Variants in LGSN observed in about 807,000 individuals in gnomAD.
LGSN encodes the protein lengsin, lens protein with glutamine synthetase domain, also known as lengsin.
Under a neutral mutation model 19.5 loss-of-function variants are expected in LGSN, and 21 were observed. The ratio of observed to expected loss-of-function variants is 1.07; its 90% confidence interval spans 0.76 to 1.55. The LOEUF is 1.55. LGSN is among the 40% of genes most tolerant of loss of function. The pLI, the probability that LGSN is intolerant of heterozygous loss-of-function variation, is 0.00. For missense variants in LGSN, 673 were observed against 608.5 expected, an observed-to-expected ratio of 1.11 and a Z score of -1.12; for synonymous variants, 257 against 215.6, an observed-to-expected ratio of 1.19 and a Z score of -1.68.
At chr6:63,505,629 G>T in the LGSN span, among the ~76,000 whole-genome samples, 26,512 of 87,856 alleles carry the variant, frequency 0.3, 6,356 homozygotes, top group Admixed American at 0.37. Context: ...AAGAAAGAAA[G>T]AAAGAAATTC....
At chr6:63,411,242 C>T in the LGSN span, among the ~76,000 whole-genome samples, 29 of 152,280 alleles carry the variant, frequency 1.9e-4, no homozygotes, top group Admixed American at 2.6e-4. Flanking sequence ...CCAGGAATTA[C>T]GCTGTGAGCT....
chr6:63,531,181 A>G, the LGSN span, among the ~76,000 whole-genome samples: 4 of 152,160 alleles, frequency 2.6e-5, no homozygotes, highest in African/African-American at 9.6e-5. Context: ...AACTGCAAGC[A>G]ATGAGGGCTA....
At chr6:63,300,529 G>A (rs577624909) in intron 1 of LGSN, among the ~76,000 whole-genome samples, 49 of 152,082 alleles carry the variant, frequency 3.2e-4, no homozygotes, top group African/African-American at 8.0e-4. Flanking sequence ...AGCTAGGCAC[G>A]GTGGTGTGTG....
the LGSN span, among the ~76,000 whole-genome samples, chr6:63,475,425 G>C: frequency 2.6e-5 from 4 of 151,970 alleles, no homozygotes; most frequent in East Asian, 7.7e-4. Context: ...TATGTTTCTG[G>C]TTAATAGTTA....
At chr6:63,545,615 A>C in the LGSN span, among the ~76,000 whole-genome samples, 1 of 152,156 alleles carries the variant, frequency 6.6e-6, no homozygotes, top group Admixed American at 6.5e-5. Flanking sequence ...TGTCTCAAAA[A>C]AAAAAAGGAA....
the LGSN span, among the ~76,000 whole-genome samples, chr6:63,401,954 G>C: frequency 4.6e-5 from 7 of 152,342 alleles, no homozygotes; most frequent in South Asian, 1.2e-3. Context: ...TCCCAGTGAC[G>C]AGCAACTGTA....
intron 2 of LGSN, 102 bp from the exon 3 acceptor site, chr6:63,285,855 CATT>C: frequency 1.2e-6 from 1 of 831,672 alleles, no homozygotes; most frequent in Non-Finnish European, 1.9e-6. Flanking sequence ...TTAACAAAAA[CATT>C]ATATATTCAT....
At chr6:63,479,240 G>T in the LGSN span, among the ~76,000 whole-genome samples, 1 of 152,126 alleles carries the variant, frequency 6.6e-6, no homozygotes, top group African/African-American at 2.4e-5. Flanking sequence ...CAGCAAGGGA[G>T]ACCCAGATGA....
chr6:63,426,611 T>C, the LGSN span, among the ~76,000 whole-genome samples: 2 of 152,122 alleles, frequency 1.3e-5, no homozygotes, highest in African/African-American at 4.8e-5. Flanking sequence ...ACCTCCCAGG[T>C]TCAAGTAATT....
At chr6:63,439,407 G>A in the LGSN span, among the ~76,000 whole-genome samples, 1 of 151,976 alleles carries the variant, frequency 6.6e-6, no homozygotes, top group African/African-American at 2.4e-5. Flanking sequence ...AATTAGCCAG[G>A]CGTGGTGGCG....
intron 1 of LGSN, among the ~76,000 whole-genome samples, chr6:63,299,999 A>G (rs1269707412): frequency 6.6e-6 from 1 of 152,176 alleles, no homozygotes; most frequent in African/African-American, 2.4e-5. Flanking sequence ...CACACATCTT[A>G]CTGTGAGCTT....
chr6:63,301,382 T>C (rs556112034), intron 1 of LGSN, among the ~76,000 whole-genome samples: 30 of 152,238 alleles, frequency 2.0e-4, no homozygotes, highest in South Asian at 1.5e-3. Flanking sequence ...AAAATGTGTA[T>C]TTGTTGAGAA....
the LGSN span, among the ~76,000 whole-genome samples, chr6:63,348,821 C>T: frequency 2.0e-5 from 3 of 147,516 alleles, no homozygotes; most frequent in Admixed American, 6.9e-5. Flanking sequence ...GAAATCTTGG[C>T]CTGAAGCAAT....
chr6:63,282,956 G>C (rs1767375626), intron 3 of LGSN, among the ~76,000 whole-genome samples: 1 of 152,036 alleles, frequency 6.6e-6, no homozygotes. Flanking sequence ...TCTAAAATGA[G>C]AAATAATATA....
At chr6:63,293,407 A>G (rs1767849486) in intron 2 of LGSN, among the ~76,000 whole-genome samples, 1 of 152,226 alleles carries the variant, frequency 6.6e-6, no homozygotes, top group African/African-American at 2.4e-5. Flanking sequence ...AGAAACTTAG[A>G]ATAATAGGAT....
chr6:63,390,118 C>CTTTTTTTTTTTTTTTTTTT, the LGSN span, among the ~76,000 whole-genome samples: 20 of 66,318 alleles, frequency 3.0e-4, no homozygotes, highest in African/African-American at 8.6e-4. Context: ...TTCTTTCTTT[C>CTTTTTTTTTTTTTTTTTTT]TTTTTTTTTT....
the LGSN span, among the ~76,000 whole-genome samples, chr6:63,530,761 T>C: frequency 5.9e-5 from 9 of 152,230 alleles, no homozygotes; most frequent in Admixed American, 3.3e-4. Flanking sequence ...ATTCATTTTT[T>C]CTTATTCCTA....
chr6:63,480,939 T>TGAGA, the LGSN span, among the ~76,000 whole-genome samples: 1 of 20,844 alleles, frequency 4.8e-5, no homozygotes, highest in Admixed American at 4.6e-4. Context: ...ATAAAGAAAA[T>TGAGA]GATATATATA....
At chr6:63,486,738 G>T in the LGSN span, among the ~76,000 whole-genome samples, 1,252 of 135,914 alleles carry the variant, frequency 9.2e-3, 22 homozygotes, top group African/African-American at 0.033. Flanking sequence ...CAGCTGCAGT[G>T]CAGTGGTGTG....
Sources: allele counts gnomAD v4.1 joint callset (sites outside exome capture counted in the v4.1 genomes callset), GRCh38; gene constraint gnomAD v4.1.1; transcripts MANE v1.5; gene names NCBI Gene and HGNC (gene_info 2026-07-23, HGNC 2026-07-21).